DLGAP2: variants seen among roughly 807,000 people sequenced by gnomAD.
The protein encoded by DLGAP2 is DLG associated protein 2, also known as disks large-associated protein 2.
Under a neutral mutation model 100.3 loss-of-function variants are expected in DLGAP2, and 26 were observed. The observed-to-expected ratio is 0.26, with a 90% CI of 0.19 to 0.36. The LOEUF (loss-of-function observed/expected upper bound fraction) is 0.36. Ranked by LOEUF, DLGAP2 falls within the 10% of genes least tolerant of loss-of-function variation. The probability of loss-of-function intolerance (pLI) is 1.00; values close to 1 mark genes in which losing one functional copy is unlikely to be tolerated. For synonymous variants in DLGAP2, 886 were observed against 630.1 expected, an observed-to-expected ratio of 1.41 and a Z score of -6.08; for missense variants, 1,858 against 1,453.2, an observed-to-expected ratio of 1.28 and a Z score of -4.53.
At chr8:1,147,407 C>G (rs914378685) in intron 2 of DLGAP2, among the ~76,000 whole-genome samples, 1 of 152,080 alleles carries the variant, frequency 6.6e-6, no homozygotes, top group Non-Finnish European at 1.5e-5. Flanking sequence ...TTTCTGTAGA[C>G]ATTTTAGACT....
rs138671906 is a variant in DLGAP2, at chr8:964,363, C to T, written c.73+56397C>T. ...TGTACTGTCGTGGACTCTGCTGCGA[C>T]GCAGTTGTCACTTGCTGTCCTGCGT... On this transcript the variant is annotated intron_variant, in intron 2 of 14. Transcript: ENST00000637795. 3.4e-3 allele frequency among the ~76,000 whole-genome samples: 515 copies of T among 152,358 alleles called. 1 individual carries two copies. The highest frequency in any genetic ancestry group is 0.012 in the African/African-American group (489 of 41,592).
intron 5 of DLGAP2, among the ~76,000 whole-genome samples, chr8:1,558,433 A>G (rs1259976501): frequency 2.0e-5 from 3 of 152,194 alleles, no homozygotes; most frequent in South Asian, 2.1e-4. Flanking sequence ...AGAAGAGGGA[A>G]GCGTGGGCAG....
chr8:857,978 C>T (rs1207122382), intron 1 of DLGAP2, among the ~76,000 whole-genome samples: 2 of 151,566 alleles, frequency 1.3e-5, no homozygotes, highest in African/African-American at 2.4e-5. Context: ...TCAAGTGATT[C>T]TTGGGCCCAG....
At chr8:1,579,407 T>G (rs1046379718) in intron 6 of DLGAP2, among the ~76,000 whole-genome samples, 1 of 152,090 alleles carries the variant, frequency 6.6e-6, no homozygotes, top group Non-Finnish European at 1.5e-5. Flanking sequence ...CATGATTCCA[T>G]GGGGCGTAAT....
At chr8:887,559 G>T (rs1026612135) in intron 1 of DLGAP2, among the ~76,000 whole-genome samples, 1 of 152,150 alleles carries the variant, frequency 6.6e-6, no homozygotes, top group African/African-American at 2.4e-5. Context: ...CTCTTACAGG[G>T]CAGGCCTGGT....
At chr8:1,475,745 A>G (rs1037362923) in intron 3 of DLGAP2, among the ~76,000 whole-genome samples, 2 of 152,176 alleles carry the variant, frequency 1.3e-5, no homozygotes, top group Non-Finnish European at 2.9e-5. Context: ...AGCTCAACAA[A>G]AGGCTTGTCA....
intron 4 of DLGAP2, among the ~76,000 whole-genome samples, chr8:1,523,675 C>T (rs776598534): frequency 7.2e-5 from 11 of 152,136 alleles, no homozygotes; most frequent in Non-Finnish European, 1.5e-4. Flanking sequence ...CTCGTGGAGC[C>T]GTCTGCATTT....
intron 2 of DLGAP2, among the ~76,000 whole-genome samples, chr8:911,576 G>A (rs939729553): frequency 6.6e-6 from 1 of 151,798 alleles, no homozygotes; most frequent in African/African-American, 2.4e-5. Flanking sequence ...TTGGAAGGAT[G>A]TGTGTATAAT....
At chr8:1,376,407 C>T (rs1340505043) in intron 3 of DLGAP2, among the ~76,000 whole-genome samples, 1 of 152,248 alleles carries the variant, frequency 6.6e-6, no homozygotes, top group African/African-American at 2.4e-5. Flanking sequence ...GAAAAGCGCC[C>T]CGCTGCATGG....
chr8:1,440,808 C>T (rs1030242780), intron 3 of DLGAP2, among the ~76,000 whole-genome samples: 5 of 152,184 alleles, frequency 3.3e-5, no homozygotes, highest in African/African-American at 9.6e-5. Context: ...CTTATGAGGA[C>T]AAATGGCTCT....
chr8:1,490,421 T>G (rs1015565554), intron 3 of DLGAP2, among the ~76,000 whole-genome samples: 2 of 152,190 alleles, frequency 1.3e-5, no homozygotes, highest in African/African-American at 4.8e-5. Flanking sequence ...GTTAAGAGCG[T>G]TTCAAAGTGA....
At chr8:797,107 T>A (rs1290467226) in intron 1 of DLGAP2, among the ~76,000 whole-genome samples, 1 of 152,190 alleles carries the variant, frequency 6.6e-6, no homozygotes, top group Non-Finnish European at 1.5e-5. Context: ...AATGAACAGG[T>A]ATTAAGTGAG....
rs1270000622 is a variant in DLGAP2, at chr8:1,707,213, A to T, written c.*5807A>T. 1.3e-5 allele frequency: 2 copies of T among 152,568 alleles called. No homozygotes were observed. Among genetic ancestry groups the T allele is most frequent in the Non-Finnish European group, 2.9e-5 (2 of 68,044 alleles). 9.5% of individuals were successfully genotyped at this position (152,568 alleles called of 1,614,324 possible). On this transcript the variant is annotated 3_prime_UTR_variant, in exon 15 of 15. Transcript: ENST00000637795. ...GCCTTGGGCATCCAAGCTTTCACCT[A>T]CTCAATGGAGGAGAGGTGATAATGA...
At chr8:1,441,953 T>C (rs985184362) in intron 3 of DLGAP2, among the ~76,000 whole-genome samples, 19 of 152,210 alleles carry the variant, frequency 1.2e-4, no homozygotes, top group African/African-American at 4.1e-4. Context: ...GATCATGTAT[T>C]TTGCAGGGAC....
chr8:1,356,712 C>G (rs1337844621), intron 3 of DLGAP2, among the ~76,000 whole-genome samples: 5 of 152,068 alleles, frequency 3.3e-5, no homozygotes, highest in African/African-American at 9.7e-5. Context: ...CAATGTAACC[C>G]TACAGTAAAG....
intron 2 of DLGAP2, among the ~76,000 whole-genome samples, chr8:1,079,861 C>G (rs1803744696): frequency 1.3e-5 from 2 of 152,220 alleles, no homozygotes; most frequent in Admixed American, 1.3e-4. Context: ...AGGAGAGCAG[C>G]TTTTGATTGG....
intron 3 of DLGAP2, among the ~76,000 whole-genome samples, chr8:1,284,088 T>C (rs1799874596): frequency 2.6e-5 from 4 of 152,208 alleles, no homozygotes; most frequent in Admixed American, 2.6e-4. Flanking sequence ...AAAATTACTA[T>C]TGCCCTGTCC....
intron 1 of DLGAP2, among the ~76,000 whole-genome samples, chr8:857,923 T>G (rs1025800184): frequency 2.0e-5 from 3 of 151,406 alleles, no homozygotes; most frequent in Admixed American, 1.3e-4. Context: ...CAGGCTGGAG[T>G]GCAGTGGTGT....
At chr8:1,240,378 G>A (rs1300541599) in intron 2 of DLGAP2, among the ~76,000 whole-genome samples, 6 of 145,448 alleles carry the variant, frequency 4.1e-5, no homozygotes, top group Admixed American at 2.8e-4. Context: ...AGAGCATCGT[G>A]TCTGGTTCTC....
Sources: gnomAD v4.1 joint callset for allele counts (sites outside exome capture counted in the v4.1 genomes callset) on GRCh38, gnomAD v4.1.1 for gene constraint, MANE v1.5 for transcripts, NCBI Gene and HGNC (gene_info 2026-07-23, HGNC 2026-07-21) for gene names.